Variants in EPHA6 observed in about 807,000 individuals in gnomAD.
EPHA6 encodes the protein ephrin type-A receptor 6.
EPHA6 carries 50 observed loss-of-function variants against 112.0 expected under a neutral mutation model. That is an observed-to-expected ratio of 0.45 (90% CI 0.36 to 0.56). The LOEUF is 0.56. Among genes scored for constraint, EPHA6 ranks in the 20% least tolerant of loss-of-function variants. The probability of loss-of-function intolerance (pLI) is 0.00; values close to 1 mark genes in which losing one functional copy is unlikely to be tolerated. For missense variants in EPHA6, 1,280 were observed against 1,417.4 expected (o/e 0.90, Z 1.56); for synonymous variants, 529 against 490.7 (o/e 1.08, Z -1.03).
intron 14 of EPHA6, among the ~76,000 whole-genome samples, chr3:97,673,691 C>T (rs1453812231): frequency 6.6e-6 from 1 of 152,200 alleles, no homozygotes; most frequent in African/African-American, 2.4e-5. Flanking sequence ...CCACTATAAA[C>T]TGGGCCATTG....
chr3:97,611,564 G>C (rs181662431), intron 13 of EPHA6, among the ~76,000 whole-genome samples: 20 of 151,810 alleles, frequency 1.3e-4, no homozygotes, highest in African/African-American at 4.3e-4. Flanking sequence ...AATATTCATT[G>C]ATAGTGAAAA....
intron 5 of EPHA6, among the ~76,000 whole-genome samples, chr3:97,363,071 G>T (rs1391235462): frequency 1.4e-5 from 2 of 147,324 alleles, no homozygotes; most frequent in Non-Finnish European, 3.0e-5. Context: ...TGTTAATAAG[G>T]TTAAGAACTC....
At chr3:96,845,572 A>G (rs2035023999) in intron 1 of EPHA6, among the ~76,000 whole-genome samples, 1 of 151,996 alleles carries the variant, frequency 6.6e-6, no homozygotes, top group Non-Finnish European at 1.5e-5. Flanking sequence ...TGCCTGTCTT[A>G]ACTTCCTGAC....
chr3:97,421,307 G>T (rs1431462478), intron 6 of EPHA6, among the ~76,000 whole-genome samples: 7 of 152,024 alleles, frequency 4.6e-5, no homozygotes, highest in Non-Finnish European at 7.4e-5. Context: ...GATTTAAAAA[G>T]ATTATAGTAA....
At chr3:96,878,419 G>A (rs751487298) in intron 2 of EPHA6, among the ~76,000 whole-genome samples, 2 of 151,964 alleles carry the variant, frequency 1.3e-5, no homozygotes, top group Non-Finnish European at 2.9e-5. Context: ...CCTTGTAAGT[G>A]ATGCTAAGGC....
At chr3:96,852,359 G>A (rs905039734) in intron 1 of EPHA6, among the ~76,000 whole-genome samples, 1 of 151,978 alleles carries the variant, frequency 6.6e-6, no homozygotes. Flanking sequence ...AGCCCAGAAG[G>A]CAGGGGTTGC....
chr3:97,760,849 T>C lies in EPHA6; in HGVS notation c.*12148T>C, dbSNP rs1427258210. 1 of 188,176 alleles carries C rather than the reference T, an allele frequency of 5.3e-6. No individual in the cohort carries two copies. Among genetic ancestry groups the C allele is most frequent in the Admixed American group, 6.2e-5 (1 of 16,180 alleles). 11.7% of individuals were successfully genotyped at this position (188,176 alleles called of 1,614,324 possible). ...TACAAATATGATTTTTAAAGCATCA[T>C]TGTAACTTGTCATGAAGCTATTTAT... is the stretch of plus-strand genomic sequence containing the variant. On this transcript the variant is annotated 3_prime_UTR_variant, in exon 18 of 18. Transcript: ENST00000389672.
At chr3:97,288,859 G>A (rs115858617) in intron 5 of EPHA6, among the ~76,000 whole-genome samples, 3,992 of 150,264 alleles carry the variant, frequency 0.027, 169 homozygotes, top group African/African-American at 0.091. Flanking sequence ...ATGTGTGTGG[G>A]GCCACTTGTT....
chr3:97,343,690 C>A (rs556547617), intron 5 of EPHA6, among the ~76,000 whole-genome samples: 2 of 151,952 alleles, frequency 1.3e-5, no homozygotes, highest in African/African-American at 2.4e-5. Flanking sequence ...GAAAGTGAGA[C>A]CAAATGAAGG....
At chr3:96,864,215 C>T (rs2036173936) in intron 1 of EPHA6, among the ~76,000 whole-genome samples, 1 of 151,936 alleles carries the variant, frequency 6.6e-6, no homozygotes, top group South Asian at 2.1e-4. Flanking sequence ...TAATCTTACT[C>T]CTTGTTATTA....
At position 97,534,348 on chromosome 3, in the gene EPHA6, G is replaced by A. The variant is rs2092732445; in HGVS notation, c.2386+1805G>A. Among the ~76,000 whole-genome samples, 3 of 151,794 alleles carry A rather than the reference G, an allele frequency of 2.0e-5. 1 individual carries two copies. In the South Asian group the frequency reaches 6.2e-4, roughly 31 times the overall value. Reference sequence around the variant, plus strand: ...ATCATTATCTACATTTTATGTATGAGAAACGAAGGCCCAGGCAGGTTAACT... The same window carrying A: ...ATCATTATCTACATTTTATGTATGAAAAACGAAGGCCCAGGCAGGTTAACT... On this transcript the variant is annotated intron_variant, in intron 11 of 17. Transcript: ENST00000389672.
intron 11 of EPHA6, among the ~76,000 whole-genome samples, chr3:97,536,050 A>G (rs554111477): frequency 4.4e-4 from 67 of 152,296 alleles, no homozygotes; most frequent in African/African-American, 1.6e-3. Flanking sequence ...CTATTAAGAT[A>G]CAAGTGATAT....
intron 1 of EPHA6, among the ~76,000 whole-genome samples, chr3:96,854,324 T>G (rs1367549250): frequency 6.6e-6 from 1 of 151,552 alleles, no homozygotes; most frequent in African/African-American, 2.4e-5. Flanking sequence ...GGACTACAGG[T>G]GCACGCCACC....
At position 97,754,230 on chromosome 3, in the gene EPHA6, A is replaced by G. The variant is rs2035969641; in HGVS notation, c.*5529A>G. Among the ~76,000 whole-genome samples, 1 of 151,908 alleles carries G rather than the reference A, an allele frequency of 6.6e-6. No individual in the cohort carries two copies. Among genetic ancestry groups the G allele is most frequent in the African/African-American group, 2.4e-5 (1 of 41,342 alleles). ...CAGCCTCCCGAGTAGCTAGGATTAC[A>G]GGCATGCGCCACCACGCCCAGCTAA... On this transcript the variant is annotated 3_prime_UTR_variant, in exon 18 of 18. Transcript: ENST00000389672.
At position 97,161,970 on chromosome 3, in the gene EPHA6, T is replaced by C. The variant is rs190944875; in HGVS notation, c.1115-64294T>C. Among the ~76,000 whole-genome samples the C allele has an allele frequency of 1.6e-3, 247 of 152,284 alleles. 1 individual carries two copies. The highest frequency in any genetic ancestry group is 6.8e-3 in the Middle Eastern group (2 of 294). ...GCTAGCTTTGCCAGCTGAAAGCACA[T>C]TGCTTCTGGTGGCCCTTATTGATAG... is the stretch of plus-strand genomic sequence containing the variant. On this transcript the variant is annotated intron_variant, in intron 3 of 17. Transcript: ENST00000389672.
intron 11 of EPHA6, among the ~76,000 whole-genome samples, chr3:97,585,522 A>C (rs2107310213): frequency 6.6e-6 from 1 of 152,322 alleles, no homozygotes; most frequent in East Asian, 1.9e-4. Context: ...ATGAAACTGC[A>C]CTTTTTGCTT....
intron 5 of EPHA6, among the ~76,000 whole-genome samples, chr3:97,281,195 G>T (rs1480387390): frequency 2.0e-5 from 2 of 98,950 alleles, no homozygotes; most frequent in African/African-American, 8.0e-5. Flanking sequence ...TTAATTCAAA[G>T]AGTCTATGTG....
In EPHA6 at chr3:97,147,430, A is replaced by AT. The variant is rs901972699; in HGVS notation, c.1115-78824dup. 6.1e-4 allele frequency among the ~76,000 whole-genome samples: 91 copies of AT among 148,026 alleles called. 2 individuals are homozygous for AT. The highest frequency in any genetic ancestry group is 2.6e-3 in the Admixed American group (38 of 14,766). On this transcript the variant is annotated intron_variant, in intron 3 of 17. Transcript: ENST00000389672. Reference sequence around the variant, plus strand: ...GTCCTCCTGAGAGGAAAGGAACCACATTTTTTTTTTCTGCAAAGCACAATG... The same window carrying AT: ...GTCCTCCTGAGAGGAAAGGAACCACATTTTTTTTTTTCTGCAAAGCACAATG...
intron 12 of EPHA6, among the ~76,000 whole-genome samples, chr3:97,607,454 G>A (rs1207271171): frequency 6.6e-6 from 1 of 151,024 alleles, no homozygotes; most frequent in Non-Finnish European, 1.5e-5. Flanking sequence ...ATGATAAGGG[G>A]TTTTTGCAAT....
Sources: allele counts gnomAD v4.1 joint callset (sites outside exome capture counted in the v4.1 genomes callset), GRCh38; gene constraint gnomAD v4.1.1; transcripts MANE v1.5; gene names NCBI Gene and HGNC (gene_info 2026-07-23, HGNC 2026-07-21).